The following TMEM108 variants were observed in gnomAD, a reference collection of about 807,000 sequenced individuals.
The protein encoded by TMEM108 is transmembrane protein 108.
TMEM108 carries 12 observed loss-of-function variants against 35.1 expected under a neutral mutation model. That is an observed-to-expected ratio of 0.34 (90% CI 0.22 to 0.55). TMEM108 has a LOEUF of 0.55. Among genes scored for constraint, TMEM108 ranks in the 20% least tolerant of loss-of-function variants. The pLI is 0.89. For missense variants in TMEM108, 680 were observed against 753.3 expected, an observed-to-expected ratio of 0.90 and a Z score of 1.14; for synonymous variants, 287 against 308.6, an observed-to-expected ratio of 0.93 and a Z score of 0.73.
At chr3:133,311,893 T>C (rs745877813) in intron 3 of TMEM108, among the ~76,000 whole-genome samples, 20 of 152,236 alleles carry the variant, frequency 1.3e-4, no homozygotes, top group Non-Finnish European at 2.5e-4. Context: ...AGATGGGGTT[T>C]TGGTGTGGAT....
intron 2 of TMEM108, among the ~76,000 whole-genome samples, chr3:133,103,288 A>G (rs1278245256): frequency 6.6e-6 from 1 of 152,192 alleles, no homozygotes; most frequent in African/African-American, 2.4e-5. Context: ...TTGCAGGGAC[A>G]TGGAATGAGC....
intron 2 of TMEM108, among the ~76,000 whole-genome samples, chr3:133,216,315 C>G (rs1226161799): frequency 2.6e-5 from 4 of 152,048 alleles, no homozygotes; most frequent in Non-Finnish European, 4.4e-5. Context: ...TTCTATTAGG[C>G]TCACTCTCCT....
intron 3 of TMEM108, among the ~76,000 whole-genome samples, chr3:133,362,459 A>G (rs1209804353): frequency 6.6e-6 from 1 of 152,138 alleles, no homozygotes; most frequent in African/African-American, 2.4e-5. Flanking sequence ...AATGTGTCAT[A>G]CCCACACCAT....
chr3:133,378,138 C>A lies in TMEM108; in HGVS notation c.41-1614C>A, dbSNP rs770345355. The stretch of plus-strand genomic sequence containing the variant: ...TTAGAAAAAAATAGATTGTTTAGGG[C>A]AAATTTTTGGTCCTAGAGTTGGTGG... On this transcript the variant is annotated intron_variant, in intron 3 of 5. Transcript: ENST00000321871. Among the ~76,000 whole-genome samples, 6 of 152,208 alleles carry A rather than the reference C, an allele frequency of 3.9e-5. No individual in the cohort carries two copies. The East Asian group carries it at 1.2e-3, about 29-fold the overall frequency.
chr3:133,189,659 A>G (rs1945471082), intron 2 of TMEM108, among the ~76,000 whole-genome samples: 1 of 152,244 alleles, frequency 6.6e-6, no homozygotes, highest in Non-Finnish European at 1.5e-5. Flanking sequence ...TTTGAGACAC[A>G]GTGTTCTAAA....
At chr3:133,174,958 A>G (rs1945193960) in intron 2 of TMEM108, among the ~76,000 whole-genome samples, 1 of 152,200 alleles carries the variant, frequency 6.6e-6, no homozygotes. Context: ...TAACTAGAAT[A>G]ACCAATGCAG....
intron 2 of TMEM108, among the ~76,000 whole-genome samples, chr3:133,068,363 G>A (rs1229864290): frequency 2.6e-5 from 4 of 152,022 alleles, no homozygotes; most frequent in Admixed American, 2.6e-4. Context: ...GCAGCACTTC[G>A]GGCCAAGAGG....
intron 2 of TMEM108, among the ~76,000 whole-genome samples, chr3:133,049,733 C>A (rs574938784): frequency 2.0e-5 from 3 of 152,142 alleles, no homozygotes; most frequent in African/African-American, 4.8e-5. Flanking sequence ...TCTCTCTATG[C>A]CCTGACCCTT....
At chr3:133,200,623 A>G (rs1285961467) in intron 2 of TMEM108, among the ~76,000 whole-genome samples, 1 of 152,220 alleles carries the variant, frequency 6.6e-6, no homozygotes, top group African/African-American at 2.4e-5. Context: ...AAGAGAATCC[A>G]GAGCCTAAGA....
At chr3:133,364,841 T>G (rs1002332703) in intron 3 of TMEM108, among the ~76,000 whole-genome samples, 6 of 152,188 alleles carry the variant, frequency 3.9e-5, no homozygotes, top group Non-Finnish European at 7.3e-5. Flanking sequence ...CCAGAAGTAC[T>G]GCCAGAATCA....
At chr3:133,138,739 C>T (rs969450848) in intron 2 of TMEM108, among the ~76,000 whole-genome samples, 1 of 151,878 alleles carries the variant, frequency 6.6e-6, no homozygotes, top group Non-Finnish European at 1.5e-5. Context: ...GGCATAGTTG[C>T]AGGGGCCATT....
chr3:133,314,550 A>T (rs2071173059), intron 3 of TMEM108, among the ~76,000 whole-genome samples: 1 of 152,230 alleles, frequency 6.6e-6, no homozygotes, highest in Non-Finnish European at 1.5e-5. Flanking sequence ...TCATTCTCCA[A>T]GTCACTTTTG....
intron 3 of TMEM108, among the ~76,000 whole-genome samples, chr3:133,362,134 G>T (rs1025286285): frequency 6.6e-6 from 1 of 151,902 alleles, no homozygotes; most frequent in Non-Finnish European, 1.5e-5. Context: ...GAGGGTCACA[G>T]ACCCAAGGAT....
At chr3:133,157,430 CAT>C (rs1365171845) in intron 2 of TMEM108, among the ~76,000 whole-genome samples, 1 of 152,188 alleles carries the variant, frequency 6.6e-6, no homozygotes, top group Non-Finnish European at 1.5e-5. Flanking sequence ...TGTGTGTACA[CAT>C]ACACACACAT....
intron 2 of TMEM108, among the ~76,000 whole-genome samples, chr3:133,057,080 A>T (rs1199250866): frequency 6.6e-6 from 1 of 152,142 alleles, no homozygotes; most frequent in Admixed American, 6.5e-5. Context: ...GCATGAATTA[A>T]ACCTGCCAGT....
intron 5 of TMEM108, among the ~76,000 whole-genome samples, 188 bp from the exon 6 acceptor site, chr3:133,395,676 C>G (rs112326174): frequency 0.01 from 1,586 of 152,216 alleles, 31 homozygotes; most frequent in African/African-American, 0.035. Flanking sequence ...CACATACACA[C>G]ACACACACAA....
At chr3:133,141,565 C>T (rs929548523) in intron 2 of TMEM108, among the ~76,000 whole-genome samples, 59 of 152,096 alleles carry the variant, frequency 3.9e-4, no homozygotes, top group African/African-American at 1.4e-3. Flanking sequence ...GTGGGATGAG[C>T]CTGCTGGTAA....
chr3:133,272,717 C>T (rs1420653205), intron 3 of TMEM108, among the ~76,000 whole-genome samples: 2 of 152,122 alleles, frequency 1.3e-5, no homozygotes, highest in Non-Finnish European at 2.9e-5. Context: ...CACTAGAGGT[C>T]ATCTCGCTTA....
chr3:133,283,081 G>A (rs534858444), intron 3 of TMEM108, among the ~76,000 whole-genome samples: 6 of 152,324 alleles, frequency 3.9e-5, no homozygotes, highest in African/African-American at 1.4e-4. Context: ...GGTAGCAAGA[G>A]TGGTGAGAAT....
Sources: gnomAD v4.1 joint callset for allele counts (sites outside exome capture counted in the v4.1 genomes callset) on GRCh38, gnomAD v4.1.1 for gene constraint, MANE v1.5 for transcripts, NCBI Gene and HGNC (gene_info 2026-07-23, HGNC 2026-07-21) for gene names.